The following ZCCHC7 variants were observed in gnomAD, a reference collection of about 807,000 sequenced individuals.
ZCCHC7 encodes the protein zinc finger CCHC domain-containing protein 7.
In ZCCHC7, 35 loss-of-function variants were observed where a neutral mutation model predicts 52.0. The observed-to-expected ratio is 0.67, with a 90% CI of 0.51 to 0.89. ZCCHC7 has a LOEUF of 0.89. ZCCHC7 is among the 40% of genes least tolerant of loss of function. The probability of loss-of-function intolerance (pLI) is 0.00; values close to 1 mark genes in which losing one functional copy is unlikely to be tolerated. For synonymous variants in ZCCHC7, 217 were observed against 221.5 expected, an observed-to-expected ratio of 0.98 and a Z score of 0.18; for missense variants, 574 against 649.1, an observed-to-expected ratio of 0.88 and a Z score of 1.26.
chr9:37,285,478 G>C (rs1227589113), intron 2 of ZCCHC7, among the ~76,000 whole-genome samples: 1 of 151,582 alleles, frequency 6.6e-6, no homozygotes, highest in East Asian at 1.9e-4. Context: ...TTTCTATATT[G>C]GTTGTACTGT....
chr9:37,177,070 G>C (rs1009131578), intron 2 of ZCCHC7, among the ~76,000 whole-genome samples: 1 of 152,184 alleles, frequency 6.6e-6, no homozygotes, highest in African/African-American at 2.4e-5. Flanking sequence ...GGCCGGGTGT[G>C]GTGGCTTACG....
At chr9:37,313,853 T>TA (rs1829699955) in intron 5 of ZCCHC7, among the ~76,000 whole-genome samples, 1 of 152,246 alleles carries the variant, frequency 6.6e-6, no homozygotes, top group Non-Finnish European at 1.5e-5. Flanking sequence ...TTGAGTCAGT[T>TA]AAACCTCTTT....
chr9:37,188,554 C>T (rs1564166850), intron 2 of ZCCHC7, among the ~76,000 whole-genome samples: 1 of 76,128 alleles, frequency 1.3e-5, no homozygotes, highest in Non-Finnish European at 2.7e-5. Context: ...TCCCCCCTCA[C>T]CTCCCCCTAC....
At chr9:37,210,630 A>C (rs1281562384) in intron 2 of ZCCHC7, among the ~76,000 whole-genome samples, 1 of 152,218 alleles carries the variant, frequency 6.6e-6, no homozygotes, top group Non-Finnish European at 1.5e-5. Context: ...CTATTTAACC[A>C]GCATCTAAGG....
intron 2 of ZCCHC7, among the ~76,000 whole-genome samples, chr9:37,201,305 A>G (rs1398237543): frequency 2.0e-5 from 3 of 152,166 alleles, no homozygotes; most frequent in African/African-American, 7.2e-5. Context: ...GAAGAAAAGG[A>G]TCAAAGAGAA....
chr9:37,342,625 G>A (rs902141756), intron 6 of ZCCHC7, among the ~76,000 whole-genome samples: 2 of 152,298 alleles, frequency 1.3e-5, no homozygotes, highest in Non-Finnish European at 2.9e-5. Context: ...AAAACTAGGA[G>A]AGCGTGTTGT....
intron 2 of ZCCHC7, among the ~76,000 whole-genome samples, chr9:37,265,111 A>G (rs1293421115): frequency 1.3e-5 from 2 of 152,188 alleles, no homozygotes; most frequent in Non-Finnish European, 2.9e-5. Flanking sequence ...GCAATTATGA[A>G]TCTCTTCCCT....
chr9:37,281,448 A>AC (rs1458299637), intron 2 of ZCCHC7, among the ~76,000 whole-genome samples: 35 of 152,260 alleles, frequency 2.3e-4, no homozygotes, highest in Non-Finnish European at 5.1e-4. Flanking sequence ...AAGATGAATT[A>AC]TAAACTCTTT....
chr9:37,278,394 C>T (rs536229032), intron 2 of ZCCHC7, among the ~76,000 whole-genome samples: 45 of 152,018 alleles, frequency 3.0e-4, no homozygotes, highest in Non-Finnish European at 5.6e-4. Context: ...ACTGTGTGAC[C>T]TTAATAACAG....
chr9:37,131,141 C>T (rs1842763239), intron 2 of ZCCHC7, among the ~76,000 whole-genome samples: 1 of 149,936 alleles, frequency 6.7e-6, no homozygotes, highest in Non-Finnish European at 1.5e-5. Context: ...GAGATCGAGA[C>T]CAGCCTGGCT....
chr9:37,216,166 G>T (rs558796410), intron 2 of ZCCHC7, among the ~76,000 whole-genome samples: 28 of 152,100 alleles, frequency 1.8e-4, no homozygotes, highest in Non-Finnish European at 3.2e-4. Flanking sequence ...TACTAACGAG[G>T]TCATATAGCA....
chr9:37,166,352 G>A lies in ZCCHC7; in HGVS notation c.610+39410G>A, dbSNP rs921730202. Among the ~76,000 whole-genome samples the A allele has an allele frequency of 7.2e-5, 11 of 151,978 alleles. 1 individual carries two copies. Among genetic ancestry groups the A allele is most frequent in the Admixed American group, 4.6e-4 (7 of 15,262 alleles). ...CAGAGGTTTGCAGTGAGCCGAGATC[G>A]CGCCACTGCACTCCAGCCTGGGTGA... On this transcript the variant is annotated intron_variant, in intron 2 of 8. Coordinates refer to ENST00000336755, the MANE Select transcript of ZCCHC7 (RefSeq NM_032226.3).
At chr9:37,141,564 G>A (rs963878843) in intron 2 of ZCCHC7, among the ~76,000 whole-genome samples, 2 of 151,830 alleles carry the variant, frequency 1.3e-5, no homozygotes, top group African/African-American at 4.8e-5. Flanking sequence ...TGTATTCATG[G>A]TCACTTTACT....
intron 2 of ZCCHC7, among the ~76,000 whole-genome samples, chr9:37,219,013 A>C (rs1824672138): frequency 6.7e-6 from 1 of 149,592 alleles, no homozygotes. Flanking sequence ...GCAGTGAGCC[A>C]AGATTGCACC....
chr9:37,200,064 A>G (rs1823551011), intron 2 of ZCCHC7, among the ~76,000 whole-genome samples: 1 of 152,106 alleles, frequency 6.6e-6, no homozygotes, highest in South Asian at 2.1e-4. Flanking sequence ...GTGCGCCACC[A>G]TTATTAAATG....
intron 2 of ZCCHC7, among the ~76,000 whole-genome samples, chr9:37,183,914 C>A (rs1256129923): frequency 6.6e-6 from 1 of 152,206 alleles, no homozygotes; most frequent in Non-Finnish European, 1.5e-5. Flanking sequence ...TGATCTAGTC[C>A]CCTCTTGGCC....
intron 2 of ZCCHC7, among the ~76,000 whole-genome samples, chr9:37,145,796 C>T (rs889020445): frequency 5.9e-5 from 9 of 151,768 alleles, no homozygotes; most frequent in African/African-American, 2.2e-4. Context: ...GATTGAGATG[C>T]CTCAGTTAAA....
chr9:37,290,938 A>G (rs1225873583), intron 2 of ZCCHC7, among the ~76,000 whole-genome samples: 1 of 152,228 alleles, frequency 6.6e-6, no homozygotes, highest in East Asian at 1.9e-4. Flanking sequence ...TTAAAAAAAC[A>G]GAAGAATGAT....
intron 2 of ZCCHC7, among the ~76,000 whole-genome samples, chr9:37,183,784 A>ACC (rs1822496129): frequency 6.6e-6 from 1 of 152,210 alleles, no homozygotes; most frequent in Non-Finnish European, 1.5e-5. Context: ...TAAATAAAGA[A>ACC]ATAGGTGTAA....
Sources: allele counts gnomAD v4.1 joint callset (sites outside exome capture counted in the v4.1 genomes callset), GRCh38; gene constraint gnomAD v4.1.1; transcripts MANE v1.5; gene names NCBI Gene and HGNC (gene_info 2026-07-23, HGNC 2026-07-21).